The following ARID5B variants were observed in gnomAD, a reference collection of about 807,000 sequenced individuals.
ARID5B encodes AT-rich interaction domain 5B.
ARID5B carries 13 observed loss-of-function variants against 97.2 expected under a neutral mutation model. That is an observed-to-expected ratio of 0.13 (90% CI 0.09 to 0.21). ARID5B has a LOEUF of 0.21. Ranked by LOEUF, ARID5B falls within the 10% of genes least tolerant of loss-of-function variation. The probability of loss-of-function intolerance (pLI) is 1.00; values close to 1 mark genes in which losing one functional copy is unlikely to be tolerated. For missense variants in ARID5B, 1,210 were observed against 1,465.3 expected, an observed-to-expected ratio of 0.83 and a Z score of 2.84; for synonymous variants, 556 against 570.3, an observed-to-expected ratio of 0.97 and a Z score of 0.36.
chr10:61,974,622 C>A (rs1489404944), intron 3 of ARID5B, among the ~76,000 whole-genome samples: 2 of 152,236 alleles, frequency 1.3e-5, no homozygotes, highest in African/African-American at 4.8e-5. Flanking sequence ...AGATATTTCT[C>A]CTAAAATAAA....
chr10:61,943,509 G>T (rs1016204650), intron 3 of ARID5B, among the ~76,000 whole-genome samples: 1 of 148,310 alleles, frequency 6.7e-6, no homozygotes, highest in East Asian at 2.1e-4. Context: ...AGCAAAGAAC[G>T]GAAAGATCTC....
chr10:62,046,802 G>GTTT (rs10657313), intron 4 of ARID5B: 83,175 of 151,172 alleles, frequency 0.55, 23,511 homozygotes, highest in African/African-American at 0.65. Flanking sequence ...CTTAGTGGGA[G>GTTT]TCTTGCCACC....
intron 3 of ARID5B, among the ~76,000 whole-genome samples, chr10:61,959,113 G>A (rs956327125): frequency 3.9e-5 from 6 of 152,326 alleles, no homozygotes; most frequent in African/African-American, 1.4e-4. Flanking sequence ...CAACCTACAA[G>A]CTAGGGGAAA....
chr10:61,943,788 A>G (rs1443462113), intron 3 of ARID5B, among the ~76,000 whole-genome samples: 1 of 151,974 alleles, frequency 6.6e-6, no homozygotes, highest in African/African-American at 2.4e-5. Flanking sequence ...TCTGCCAACA[A>G]ATTAATACTC....
chr10:62,056,401 G>C (rs1017370637), intron 5 of ARID5B, among the ~76,000 whole-genome samples: 3 of 152,082 alleles, frequency 2.0e-5, no homozygotes, highest in African/African-American at 7.2e-5. Context: ...CCTACTGAGG[G>C]TGTACCCCCG....
intron 4 of ARID5B, among the ~76,000 whole-genome samples, chr10:62,028,354 T>A (rs1235801492): frequency 6.6e-6 from 1 of 152,196 alleles, no homozygotes; most frequent in Admixed American, 6.5e-5. Flanking sequence ...CTGTGTTAAG[T>A]GTGGGCCTGT....
intron 8 of ARID5B, 66 bp from the exon 9 acceptor site, chr10:62,085,636 C>A (rs577828480): frequency 1.5e-6 from 2 of 1,309,434 alleles, no homozygotes; most frequent in Admixed American, 2.2e-5. Context: ...AGAAAGTAAA[C>A]CCCCATAGCA....
chr10:62,030,451 G>A (rs754498696), intron 4 of ARID5B, among the ~76,000 whole-genome samples: 1 of 152,064 alleles, frequency 6.6e-6, no homozygotes, highest in Non-Finnish European at 1.5e-5. Flanking sequence ...TTTTAAGTAA[G>A]GAACCGCACA....
chr10:61,950,926 T>C (rs529685899), intron 3 of ARID5B, among the ~76,000 whole-genome samples: 1 of 152,342 alleles, frequency 6.6e-6, no homozygotes, highest in Non-Finnish European at 1.5e-5. Flanking sequence ...TGAATTGATG[T>C]GGTTTTTCCA....
rs567194751 is a variant in ARID5B at position 62,018,962 on chromosome 10, C to G, written c.733+18641C>G. Reference sequence around the variant, plus strand: ...TTCTAATGTGTATTCTTGAAAGTATCCTGGCTGTATGAATCTCAAATTTCA... The same window carrying G: ...TTCTAATGTGTATTCTTGAAAGTATGCTGGCTGTATGAATCTCAAATTTCA... On this transcript the variant is annotated intron_variant, in intron 4 of 9. Transcript: ENST00000279873. Among the ~76,000 whole-genome samples, 11 of 152,216 alleles carry G rather than the reference C, an allele frequency of 7.2e-5. No homozygotes were observed. In the East Asian group the frequency reaches 1.7e-3, roughly 24 times the overall value.
rs748749476 is a variant in ARID5B at position 62,050,889 on chromosome 10, G to A, written c.735G>A (p.Ala245=). 56 of 1,613,064 alleles carry A rather than the reference G, an allele frequency of 3.5e-5. No homozygotes were observed. Among genetic ancestry groups the A allele is most frequent in the East Asian group, 8.9e-5 (4 of 44,860 alleles). ...CAATTGTTTTCCATTTGTTTTCAGCGCCAAATCTTAAAGGCAGACCACGCA... is the reference window on the plus strand; with the variant it reads ...CAATTGTTTTCCATTTGTTTTCAGCACCAAATCTTAAAGGCAGACCACGCA... ...IENESICDEF[A]PNLKGRPRKK... The change falls in exon 5 of 10, where the codon GCG becomes GCA. Residue 245 remains alanine, a splice_region_variant and synonymous_variant. Transcript: ENST00000279873.
At chr10:62,028,369 A>ACTGCATT (rs1839449686) in intron 4 of ARID5B, among the ~76,000 whole-genome samples, 1 of 152,146 alleles carries the variant, frequency 6.6e-6, no homozygotes, top group Non-Finnish European at 1.5e-5. Context: ...GCCTGTTGTC[A>ACTGCATT]CTGCATTCTG....
intron 3 of ARID5B, among the ~76,000 whole-genome samples, chr10:61,962,500 A>T (rs921760200): frequency 2.0e-5 from 3 of 152,214 alleles, no homozygotes; most frequent in African/African-American, 7.2e-5. Flanking sequence ...AGAACATTAC[A>T]TGTGGGTTTG....
chr10:62,053,784 T>C (rs920902661), intron 5 of ARID5B, among the ~76,000 whole-genome samples: 1 of 152,254 alleles, frequency 6.6e-6, no homozygotes, highest in Non-Finnish European at 1.5e-5. Flanking sequence ...AGTGTGTTCA[T>C]TTAAACCATA....
At chr10:62,036,926 C>G (rs1839572393) in intron 4 of ARID5B, among the ~76,000 whole-genome samples, 1 of 152,198 alleles carries the variant, frequency 6.6e-6, no homozygotes, top group Non-Finnish European at 1.5e-5. Flanking sequence ...TTATAAATGA[C>G]TCCAATGACG....
At chr10:61,921,293 G>A (rs1165344824) in intron 2 of ARID5B, among the ~76,000 whole-genome samples, 1 of 152,142 alleles carries the variant, frequency 6.6e-6, no homozygotes, top group Non-Finnish European at 1.5e-5. Context: ...TCTTGCTAAG[G>A]GACTCTCAAA....
intron 3 of ARID5B, among the ~76,000 whole-genome samples, chr10:61,998,607 G>A (rs1462912972): frequency 6.6e-6 from 1 of 152,198 alleles, no homozygotes. Flanking sequence ...GTGTAAATAA[G>A]CATTAAGATC....
chr10:61,991,007 A>G (rs2132855993), intron 3 of ARID5B, among the ~76,000 whole-genome samples: 1 of 150,124 alleles, frequency 6.7e-6, no homozygotes, highest in African/African-American at 2.5e-5. Flanking sequence ...ACTTTTAAAT[A>G]CCTCGTATAA....
intron 4 of ARID5B, among the ~76,000 whole-genome samples, chr10:62,011,119 G>T (rs10995005): frequency 0.024 from 3,636 of 152,278 alleles, 210 homozygotes; most frequent in Admixed American, 0.14. Context: ...CTTCTCTTGG[G>T]AGAGTTGCAT....
Sources: allele counts gnomAD v4.1 joint callset (sites outside exome capture counted in the v4.1 genomes callset), GRCh38; gene constraint gnomAD v4.1.1; transcripts MANE v1.5; gene names NCBI Gene and HGNC (gene_info 2026-07-23, HGNC 2026-07-21).